Variants in POP1 observed in about 807,000 individuals in gnomAD.
POP1 encodes ribonucleases P/MRP protein subunit POP1.
In POP1, 75 loss-of-function variants were observed where a neutral mutation model predicts 102.2. That is an observed-to-expected ratio of 0.73 (90% CI 0.61 to 0.89). The LOEUF (loss-of-function observed/expected upper bound fraction) is 0.89, where lower values mean the gene tolerates loss of function less well. POP1 is among the 40% of genes least tolerant of loss of function. The pLI, the probability that POP1 is intolerant of heterozygous loss-of-function variation, is 0.00. For synonymous variants in POP1, 436 were observed against 464.1 expected (o/e 0.94, Z 0.78); for missense variants, 1,116 against 1,267.4 (o/e 0.88, Z 1.81).
In POP1 at chr8:98,153,032, C is replaced by T. The variant is rs552813971; in HGVS notation, c.2057+2393C>T. On this transcript the variant is annotated intron_variant, in intron 14 of 15. Coordinates refer to ENST00000401707, the MANE Select transcript of POP1 (RefSeq NM_001145860.2). ...TCACCCAGGCTGGAGTGCAGTGGTG[C>T]GATCATAGCTTACTGCAGCCTCCAA... is the stretch of plus-strand genomic sequence containing the variant. Among the ~76,000 whole-genome samples the T allele has an allele frequency of 3.9e-5, 6 of 152,064 alleles. No individual in the cohort carries two copies. In the South Asian group the frequency reaches 6.2e-4, roughly 16 times the overall value.
rs1423569942 is a variant in POP1 at position 98,127,688 on chromosome 8, G to A, written c.236G>A (p.Gly79Glu). Residue 79 changes from glycine to glutamate, a missense_variant, in exon 3 of 16, where the codon GGG becomes GAG. Gly to Glu is a moderately conservative substitution (Grantham distance 98, BLOSUM62 -2). Transcript: ENST00000401707. ...PEVNEQSSSK[G>E]MFRKKGGWKA... is the part of the protein sequence containing the mutation. Reference sequence around the variant, plus strand: ...GTGAATGAGCAGTCTTCCTCCAAAGGGATGTTTAGAAAAAAGGGAGGATGG... The same window carrying A: ...GTGAATGAGCAGTCTTCCTCCAAAGAGATGTTTAGAAAAAAGGGAGGATGG... 5.6e-6 allele frequency: 9 copies of A among 1,613,960 alleles called. No individual in the cohort carries two copies. Among genetic ancestry groups the A allele is most frequent in the South Asian group, 1.1e-5 (1 of 91,080 alleles).
At position 98,134,570 on chromosome 8, in the gene POP1, G is replaced by A; in HGVS notation, c.922G>A (p.Val308Ile). The A allele has an allele frequency of 6.2e-7, 1 of 1,614,144 alleles. No homozygotes were observed. The highest frequency in any genetic ancestry group is 1.3e-5 in the African/African-American group (1 of 75,058). ...ATATCCCAGAGAAATGCTTGGGCCT[G>A]TTACGTTTATCTGGAAGTCCCAGAG... ...NKYPREMLGP[V>I]TFIWKSQRTP... Residue 308 changes from valine to isoleucine, a missense_variant, in exon 7 of 16, where the codon GTT becomes ATT. Physicochemically the swap from Val to Ile is conservative, Grantham distance 29. Coordinates refer to ENST00000401707, the MANE Select transcript of POP1 (RefSeq NM_001145860.2).
intron 4 of POP1, among the ~76,000 whole-genome samples, chr8:98,129,497 G>A (rs558273139): frequency 1.3e-5 from 2 of 152,338 alleles, no homozygotes; most frequent in Admixed American, 1.3e-4. Flanking sequence ...CCCAGTGATA[G>A]CATTCAGCAT....
At position 98,130,085 on chromosome 8, in the gene POP1, G is replaced by C. The variant is rs1193619563; in HGVS notation, c.594G>C (p.Lys198Asn). 3 of 1,614,158 alleles carry C rather than the reference G, an allele frequency of 1.9e-6. No individual in the cohort carries two copies. Among genetic ancestry groups the C allele is most frequent in the Non-Finnish European group, 2.5e-6 (3 of 1,180,034 alleles). ...RTLEFNRRQK[K>N]NIWLETHIWH... ...TAGAATTTAACCGTAGACAAAAGAA[G>C]AACATTTGGTTAGAAACTCACATCT... is the stretch of plus-strand genomic sequence containing the variant. Residue 198 changes from lysine (K) to asparagine (N), a missense_variant, in exon 5 of 16, where the codon AAG becomes AAC. Transcript: ENST00000401707.
intron 9 of POP1, 47 bp downstream of exon 9, chr8:98,137,001 C>A: frequency 6.6e-7 from 1 of 1,518,224 alleles, no homozygotes; most frequent in African/African-American, 1.4e-5. Context: ...CATGTTTTTC[C>A]TGTCAAATTT....
At chr8:98,123,302 T>A in intron 1 of POP1, 34 bp from the exon 2 acceptor site, 1 of 1,606,508 alleles carries the variant, frequency 6.2e-7, no homozygotes, top group Non-Finnish European at 8.5e-7. Context: ...GGAAGTTTCC[T>A]TTCCCTGTAT....
chr8:98,153,533 C>CTT (rs747984872), intron 14 of POP1, among the ~76,000 whole-genome samples: 893 of 85,326 alleles, frequency 0.01, 1 homozygote, highest in East Asian at 0.019. Context: ...AGTTCTGACT[C>CTT]TTTTTTTTTT....
rs1479226208 is a variant in POP1 at position 98,140,807 on chromosome 8, C to G, written c.1513C>G (p.Leu505Val). 6.2e-7 allele frequency: 1 copy of G among 1,613,960 alleles called. No homozygotes were observed. Among genetic ancestry groups the G allele is most frequent in the Non-Finnish European group, 8.5e-7 (1 of 1,179,830 alleles). Reference protein sequence around the residue: ...SPAEIPAGTILGLTVGDPRIN... With the variant: ...SPAEIPAGTIVGLTVGDPRIN... The stretch of plus-strand genomic sequence containing the variant: ...AGCAGAAATTCCGGCAGGTACTATT[C>G]TGGGACTGACAGTTGGGGATCCTCG... Residue 505 changes from leucine to valine, a missense_variant, in exon 11 of 16, where the codon CTG becomes GTG. Physicochemically the swap from Leu to Val is conservative, Grantham distance 32. Coordinates refer to ENST00000401707, the MANE Select transcript of POP1 (RefSeq NM_001145860.2).
rs1268570322 is a variant in POP1 at position 98,136,667 on chromosome 8, T to C, written c.1197T>C (p.Ile399=). The change falls in exon 8 of 16, where the codon ATT becomes ATC. Residue 399 remains isoleucine, a synonymous_variant. Transcript: ENST00000401707. ...DGENAKPIKK[I]IGDGTRDPCL... The stretch of plus-strand genomic sequence containing the variant: ...AAAATGCTAAACCAATTAAAAAAAT[T>C]ATCGGTGATGGAACTAGAGATCCAT... 1.2e-6 allele frequency: 2 copies of C among 1,612,876 alleles called. No individual in the cohort carries two copies. The highest frequency in any genetic ancestry group is 1.7e-6 in the Non-Finnish European group (2 of 1,178,920).
chr8:98,136,577 A>G lies in POP1; in HGVS notation c.1107A>G (p.Glu369=). 1 of 1,614,174 alleles carries G rather than the reference A, an allele frequency of 6.2e-7. No homozygotes were observed. The highest frequency in any genetic ancestry group is 8.5e-7 in the Non-Finnish European group (1 of 1,180,026). The part of the protein sequence containing the change: ...IADPLPTPSQ[E]KSQTELPDEK... ...ACCCACTTCCAACACCATCCCAAGAAAAAAGCCAAACTGAATTGCCTGACG... is the reference window on the plus strand; with the variant it reads ...ACCCACTTCCAACACCATCCCAAGAGAAAAGCCAAACTGAATTGCCTGACG... Residue 369 remains glutamate (E), a synonymous_variant, in exon 8 of 16, where the codon GAA becomes GAG. Coordinates refer to ENST00000401707, the MANE Select transcript of POP1 (RefSeq NM_001145860.2).
At position 98,157,666 on chromosome 8, in the gene POP1, G is replaced by A. The variant is rs774195595; in HGVS notation, c.2470G>A (p.Glu824Lys). The A allele has an allele frequency of 2.5e-6, 4 of 1,614,098 alleles. No homozygotes were observed. The highest frequency in any genetic ancestry group is 3.3e-5 in the Admixed American group (2 of 60,014). ...QLSAWCGPSS[E>K]DSRGGRRAPG... is the part of the protein sequence containing the mutation. ...GTCAGCCTGGTGTGGGCCCAGTTCT[G>A]AGGATAGTCGGGGAGGCCGGCGAGC... The change falls in exon 16 of 16, where the codon GAG becomes AAG. Residue 824 changes from glutamate to lysine, a missense_variant. By Grantham distance (56) the Glu-to-Lys change is moderately conservative. Coordinates refer to ENST00000401707, the MANE Select transcript of POP1 (RefSeq NM_001145860.2).
intron 4 of POP1, among the ~76,000 whole-genome samples, chr8:98,129,186 C>T (rs1249199612): frequency 2.0e-5 from 3 of 152,106 alleles, no homozygotes; most frequent in Admixed American, 6.5e-5. Flanking sequence ...GTGTGCCCAG[C>T]TTGGGGTAGG....
At chr8:98,144,043 C>T (rs368815383) in intron 11 of POP1, among the ~76,000 whole-genome samples, 3 of 151,780 alleles carry the variant, frequency 2.0e-5, no homozygotes, top group East Asian at 1.9e-4. Flanking sequence ...ATAATCCCAG[C>T]TACTTGGGAG....
At chr8:98,138,300 T>C (rs1283153602) in intron 9 of POP1, among the ~76,000 whole-genome samples, 2 of 116,098 alleles carry the variant, frequency 1.7e-5, no homozygotes, top group Non-Finnish European at 3.6e-5. Flanking sequence ...TTCTTGCCTC[T>C]GAGGCCTCAT....
intron 2 of POP1, among the ~76,000 whole-genome samples, chr8:98,124,103 T>A (rs903662718): frequency 2.0e-5 from 3 of 152,098 alleles, no homozygotes; most frequent in African/African-American, 7.2e-5. Context: ...ATGGAGGCAG[T>A]ATAAGGGCAG....
At chr8:98,148,422 G>C (rs17184865) in intron 12 of POP1, among the ~76,000 whole-genome samples, 19,303 of 152,156 alleles carry the variant, frequency 0.13, 1,329 homozygotes, top group Middle Eastern at 0.26. Context: ...TTCTCAAGAG[G>C]CAGTGCATTT....
At chr8:98,136,358 G>C in intron 7 of POP1, 124 bp from the exon 8 acceptor site, 1 of 1,024,994 alleles carries the variant, frequency 9.8e-7, no homozygotes, top group Non-Finnish European at 1.4e-6. Context: ...TTACAGGTAT[G>C]AGCCACCGTG....
At chr8:98,147,962 T>G (rs938671826) in intron 12 of POP1, among the ~76,000 whole-genome samples, 1 of 152,108 alleles carries the variant, frequency 6.6e-6, no homozygotes, top group Non-Finnish European at 1.5e-5. Context: ...GTGTGTGAAT[T>G]GTGGTGTCAT....
At chr8:98,136,769 A>C (rs918039529) in intron 8 of POP1, 31 bp downstream of exon 8, 2 of 1,612,950 alleles carry the variant, frequency 1.2e-6, no homozygotes, top group Non-Finnish European at 8.5e-7. Flanking sequence ...GAACCTACTG[A>C]ACATTTTCAG....
Sources: allele counts gnomAD v4.1 joint callset (sites outside exome capture counted in the v4.1 genomes callset), GRCh38; gene constraint gnomAD v4.1.1; transcripts MANE v1.5; gene names NCBI Gene and HGNC (gene_info 2026-07-23, HGNC 2026-07-21).